The following IMMP2L variants were observed in gnomAD, a reference collection of about 807,000 sequenced individuals.
The protein encoded by IMMP2L is mitochondrial inner membrane protease subunit 2.
IMMP2L carries 18 observed loss-of-function variants against 19.3 expected under a neutral mutation model. The ratio of observed to expected loss-of-function variants is 0.93; its 90% CI spans 0.64 to 1.38. The LOEUF (loss-of-function observed/expected upper bound fraction) is 1.38. IMMP2L is among the 40% of genes most tolerant of loss of function. The pLI is 0.00. For synonymous variants in IMMP2L, 76 were observed against 73.0 expected, an observed-to-expected ratio of 1.04 and a Z score of -0.21; for missense variants, 233 against 218.2, an observed-to-expected ratio of 1.07 and a Z score of -0.43.
At chr7:111,077,941 T>C (rs1054817355) in intron 3 of IMMP2L, among the ~76,000 whole-genome samples, 1 of 152,230 alleles carries the variant, frequency 6.6e-6, no homozygotes, top group African/African-American at 2.4e-5. Context: ...CTGACTCTTC[T>C]TTCAACATTC....
intron 3 of IMMP2L, among the ~76,000 whole-genome samples, chr7:111,438,398 A>G (rs1027034664): frequency 6.6e-6 from 1 of 151,466 alleles, no homozygotes; most frequent in Non-Finnish European, 1.5e-5. Flanking sequence ...TTTATGAAAA[A>G]CCTCTGAGTT....
chr7:110,736,975 CA>C (rs1034810024), intron 5 of IMMP2L, among the ~76,000 whole-genome samples: 19 of 152,190 alleles, frequency 1.2e-4, no homozygotes, highest in Admixed American at 5.9e-4. Flanking sequence ...TTTGGGGGAT[CA>C]GGGGCGGAAT....
chr7:110,881,581 G>C (rs1160342412), intron 5 of IMMP2L, among the ~76,000 whole-genome samples: 3 of 152,142 alleles, frequency 2.0e-5, no homozygotes, highest in Non-Finnish European at 4.4e-5. Context: ...AGTGTGAAGA[G>C]AATACTTCAT....
intron 2 of IMMP2L, among the ~76,000 whole-genome samples, chr7:111,499,851 G>C (rs1843989648): frequency 6.6e-6 from 1 of 152,164 alleles, no homozygotes; most frequent in African/African-American, 2.4e-5. Context: ...AATAGGAACA[G>C]CTCTGGTCTA....
In IMMP2L at chr7:111,384,294, G is replaced by T. The variant is rs142682144; in HGVS notation, c.239+102944C>A. Among the ~76,000 whole-genome samples, 28 of 150,282 alleles carry T rather than the reference G, an allele frequency of 1.9e-4. 1 individual carries two copies. The East Asian group carries it at 5.5e-3, about 29-fold the overall frequency. ...AGAGGAGAAAGGAGAAAGGAGAGAGGAGAAAGGAGGAGGAGGGAAAAGGAG... is the reference window on the plus strand; with the variant it reads ...AGAGGAGAAAGGAGAAAGGAGAGAGTAGAAAGGAGGAGGAGGGAAAAGGAG... On this transcript the variant is annotated intron_variant, in intron 3 of 5. Transcript: ENST00000405709.
intron 5 of IMMP2L, among the ~76,000 whole-genome samples, chr7:110,735,652 A>AATATATATATATAT (rs138161100): frequency 1.6e-5 from 2 of 126,196 alleles, no homozygotes; most frequent in East Asian, 2.4e-4. Context: ...ATATTAGACA[A>AATATATATATATAT]ATATATATAT....
intron 3 of IMMP2L, among the ~76,000 whole-genome samples, chr7:111,107,063 A>G (rs542991758): frequency 6.6e-6 from 1 of 152,136 alleles, no homozygotes; most frequent in East Asian, 1.9e-4. Context: ...GAGACAGTTA[A>G]GCTGCAATGT....
chr7:110,893,099 T>C (rs1810973890), intron 4 of IMMP2L, among the ~76,000 whole-genome samples: 2 of 152,322 alleles, frequency 1.3e-5, no homozygotes, highest in South Asian at 4.1e-4. Context: ...CACAACTTTT[T>C]TGGTTTCCTA....
chr7:110,814,287 A>C (rs1298678974), intron 5 of IMMP2L, among the ~76,000 whole-genome samples: 1 of 151,948 alleles, frequency 6.6e-6, no homozygotes, highest in East Asian at 1.9e-4. Flanking sequence ...CAAAATCATT[A>C]ACTGGGGCCT....
chr7:110,743,589 C>T (rs1797130590), intron 5 of IMMP2L, among the ~76,000 whole-genome samples: 1 of 152,122 alleles, frequency 6.6e-6, no homozygotes, highest in African/African-American at 2.4e-5. Context: ...TGAGGTACCC[C>T]GTTCATCTCA....
intron 3 of IMMP2L, among the ~76,000 whole-genome samples, chr7:111,153,541 TA>T (rs1168836723): frequency 1.3e-5 from 2 of 152,038 alleles, no homozygotes; most frequent in Non-Finnish European, 2.9e-5. Context: ...AGTTTATGTA[TA>T]AACCTACTCT....
At chr7:110,854,655 A>G (rs1585038763) in intron 5 of IMMP2L, among the ~76,000 whole-genome samples, 3 of 152,114 alleles carry the variant, frequency 2.0e-5, no homozygotes, top group East Asian at 1.9e-4. Flanking sequence ...TCCAAGATTA[A>G]TAACACTTAA....
chr7:110,726,462 A>G (rs1795891086), intron 5 of IMMP2L, among the ~76,000 whole-genome samples: 2 of 152,232 alleles, frequency 1.3e-5, no homozygotes, highest in Non-Finnish European at 2.9e-5. Flanking sequence ...TAATTAGCAC[A>G]TTCCCAAAGA....
intron 3 of IMMP2L, among the ~76,000 whole-genome samples, chr7:111,273,867 T>C (rs1818740428): frequency 6.6e-6 from 1 of 152,160 alleles, no homozygotes; most frequent in Admixed American, 6.6e-5. Flanking sequence ...ATCTTAATAC[T>C]GAGAGGATGC....
chr7:111,073,610 CA>C (rs1468627661), intron 3 of IMMP2L, among the ~76,000 whole-genome samples: 15 of 152,204 alleles, frequency 9.9e-5, no homozygotes, highest in African/African-American at 3.6e-4. Flanking sequence ...ACCTGCTTGC[CA>C]GTGCCAGATT....
chr7:110,727,679 T>A lies in IMMP2L; in HGVS notation c.409-63958A>T, dbSNP rs1054414662. On this transcript the variant is annotated intron_variant, in intron 5 of 5. Coordinates refer to ENST00000405709, the MANE Select transcript of IMMP2L (RefSeq NM_032549.4). This position sits in a 1 kb window ranked among gnomAD's most constrained non-coding sequence, Gnocchi z 4.3. ...TTAACTTTAAAAAATATTAGAATATTAAATATAACATGAGCTAGATATTTA... is the reference window on the plus strand; with the variant it reads ...TTAACTTTAAAAAATATTAGAATATAAAATATAACATGAGCTAGATATTTA... 1.1e-4 allele frequency among the ~76,000 whole-genome samples: 17 copies of A among 152,158 alleles called. No homozygotes were observed. In the East Asian group the frequency reaches 1.7e-3, roughly 16 times the overall value.
chr7:111,364,551 C>T (rs982022463), intron 3 of IMMP2L, among the ~76,000 whole-genome samples: 7 of 151,598 alleles, frequency 4.6e-5, no homozygotes, highest in Non-Finnish European at 8.8e-5. Context: ...ACAAGAATCA[C>T]CTGAGCCCTG....
At chr7:111,468,003 T>C (rs113853005) in intron 3 of IMMP2L, among the ~76,000 whole-genome samples, 3,082 of 152,200 alleles carry the variant, frequency 0.02, 107 homozygotes, top group African/African-American at 0.07. Context: ...TCATCTCAAA[T>C]ACGCTAGGAG....
intron 3 of IMMP2L, among the ~76,000 whole-genome samples, chr7:111,296,805 T>A (rs763292029): frequency 3.9e-5 from 6 of 151,956 alleles, no homozygotes; most frequent in Non-Finnish European, 5.9e-5. Context: ...ACTGGCTGAA[T>A]GGTTAAATAA....
Sources: gnomAD v4.1 joint callset for allele counts (sites outside exome capture counted in the v4.1 genomes callset) on GRCh38, gnomAD v4.1.1 for gene constraint, Gnocchi (gnomAD v3.1) non-coding constraint, MANE v1.5 for transcripts, NCBI Gene and HGNC (gene_info 2026-07-23, HGNC 2026-07-21) for gene names.